Variants in EPC2 observed in about 807,000 individuals in gnomAD.
EPC2 encodes the protein enhancer of polycomb homolog 2.
Under a neutral mutation model 92.1 loss-of-function variants are expected in EPC2, and 14 were observed. The ratio of observed to expected loss-of-function variants is 0.15; its 90% confidence interval spans 0.10 to 0.24. The LOEUF (loss-of-function observed/expected upper bound fraction) is 0.24. Ranked by LOEUF, EPC2 falls within the 10% of genes least tolerant of loss-of-function variation. The pLI, the probability that EPC2 is intolerant of heterozygous loss-of-function variation, is 1.00. For synonymous variants in EPC2, 340 were observed against 334.7 expected (o/e 1.02, Z -0.17); for missense variants, 755 against 971.5 (o/e 0.78, Z 2.96).
intron 2 of EPC2, among the ~76,000 whole-genome samples, chr2:148,741,784 A>G (rs758346339): frequency 7.2e-5 from 11 of 152,198 alleles, no homozygotes; most frequent in Admixed American, 1.3e-4. Flanking sequence ...ATACATGTAC[A>G]TGCTTAAAAT....
intron 2 of EPC2, among the ~76,000 whole-genome samples, chr2:148,741,200 A>G (rs951442618): frequency 8.5e-5 from 13 of 152,312 alleles, no homozygotes; most frequent in Middle Eastern, 3.4e-3. Context: ...CTTAAATACA[A>G]TAACACAAAT....
In EPC2 at chr2:148,754,079, C is replaced by T. The variant is rs754224468; in HGVS notation, c.612C>T (p.Asn204=). 1.2e-6 allele frequency: 2 copies of T among 1,610,824 alleles called. No individual in the cohort carries two copies. The highest frequency in any genetic ancestry group is 1.7e-5 in the Admixed American group (1 of 59,500). The change falls in exon 4 of 14, where the codon AAC becomes AAT. Residue 204 remains asparagine, a synonymous_variant. Transcript: ENST00000258484. ...IKQEKRDGST[N]NDPYVAFRRR... ...AAGAGAAAAGAGATGGCTCTACCAA[C>T]AATGACCCTTATGTTGCCTTTCGGA... is the stretch of plus-strand genomic sequence containing the variant.
chr2:148,705,691 G>T (rs113236102), intron 2 of EPC2, among the ~76,000 whole-genome samples: 2,143 of 152,124 alleles, frequency 0.014, 51 homozygotes, highest in African/African-American at 0.049. Flanking sequence ...GCCTCTGCTG[G>T]TGATACCCAA....
At chr2:148,719,919 T>C (rs915524316) in intron 2 of EPC2, among the ~76,000 whole-genome samples, 1 of 152,156 alleles carries the variant, frequency 6.6e-6, no homozygotes, top group Non-Finnish European at 1.5e-5. Flanking sequence ...TTTCGGCCCA[T>C]AGAACATGGG....
In EPC2 at chr2:148,759,595, A is replaced by AT. The variant is rs745607433; in HGVS notation, c.667-2178dup. 2.7e-3 allele frequency among the ~76,000 whole-genome samples: 412 copies of AT among 150,850 alleles called. 3 individuals carry two copies. Among genetic ancestry groups the AT allele is most frequent in the East Asian group, 0.015 (76 of 5,164 alleles). ...TGTACTGTGGTTCTATGTGAATATC[A>AT]TTTTTTTTTGAAAATATATATTAAA... On this transcript the variant is annotated intron_variant, in intron 4 of 13. Coordinates refer to ENST00000258484, the MANE Select transcript of EPC2 (RefSeq NM_015630.4).
At chr2:148,721,767 T>C (rs1682378954) in intron 2 of EPC2, among the ~76,000 whole-genome samples, 1 of 149,264 alleles carries the variant, frequency 6.7e-6, no homozygotes, top group South Asian at 2.1e-4. Flanking sequence ...TATTGTCATA[T>C]CATATTACCA....
intron 2 of EPC2, chr2:148,691,668 G>A: frequency 6.7e-7 from 1 of 1,498,522 alleles, no homozygotes; most frequent in Non-Finnish European, 9.1e-7. Context: ...GTTTTTGCTT[G>A]TTTGTTTTGT....
chr2:148,687,646 T>C (rs1040358529), intron 1 of EPC2, among the ~76,000 whole-genome samples: 3 of 152,210 alleles, frequency 2.0e-5, no homozygotes, highest in Non-Finnish European at 4.4e-5. Flanking sequence ...AGATGATTAT[T>C]TGGGGAAAAG....
intron 2 of EPC2, among the ~76,000 whole-genome samples, chr2:148,702,983 T>C (rs988548016): frequency 3.9e-5 from 6 of 152,236 alleles, no homozygotes; most frequent in African/African-American, 1.4e-4. Context: ...GTCTTCCCAC[T>C]GTATCATACT....
At chr2:148,709,060 T>C (rs903972159) in intron 2 of EPC2, among the ~76,000 whole-genome samples, 1 of 152,218 alleles carries the variant, frequency 6.6e-6, no homozygotes, top group African/African-American at 2.4e-5. Flanking sequence ...AAATTGTCCC[T>C]GTTTGCAGAT....
intron 1 of EPC2, among the ~76,000 whole-genome samples, chr2:148,678,142 C>G (rs190723757): frequency 6.6e-6 from 1 of 152,124 alleles, no homozygotes; most frequent in Non-Finnish European, 1.5e-5. Flanking sequence ...AGGTTCTCCA[C>G]GGTCCCCACC....
intron 1 of EPC2, 175 bp downstream of exon 1, chr2:148,645,345 G>C (rs1024781243): frequency 1.9e-5 from 11 of 572,168 alleles, no homozygotes; most frequent in Non-Finnish European, 3.1e-5. Flanking sequence ...CGTAGCGCCC[G>C]CCCGCGGCCG....
At chr2:148,678,548 G>A (rs1051005864) in intron 1 of EPC2, among the ~76,000 whole-genome samples, 4 of 152,266 alleles carry the variant, frequency 2.6e-5, no homozygotes, top group Non-Finnish European at 2.9e-5. Context: ...CCTGCCACAC[G>A]GGAAGGCAGC....
chr2:148,757,135 C>T (rs987237193), intron 4 of EPC2, among the ~76,000 whole-genome samples: 3 of 151,702 alleles, frequency 2.0e-5, no homozygotes, highest in Non-Finnish European at 4.4e-5. Context: ...CCAGCACTTT[C>T]GGAGACTGAG....
chr2:148,658,621 A>AT (rs1294114234), intron 1 of EPC2, among the ~76,000 whole-genome samples: 89 of 150,992 alleles, frequency 5.9e-4, no homozygotes, highest in African/African-American at 2.1e-3. Context: ...ATATATATAT[A>AT]TATATATATA....
At chr2:148,668,307 T>C (rs943347371) in intron 1 of EPC2, among the ~76,000 whole-genome samples, 7 of 152,244 alleles carry the variant, frequency 4.6e-5, no homozygotes, top group Admixed American at 4.6e-4. Context: ...GGTCATGTAT[T>C]ATCCTTTTAA....
At chr2:148,769,524 A>G (rs1683476264) in intron 8 of EPC2, among the ~76,000 whole-genome samples, 2 of 152,208 alleles carry the variant, frequency 1.3e-5, no homozygotes, top group South Asian at 2.1e-4. Flanking sequence ...TCAGTGTGTC[A>G]TTACTAGAAT....
intron 4 of EPC2, among the ~76,000 whole-genome samples, chr2:148,761,580 T>C (rs1028141468): frequency 3.3e-5 from 5 of 152,222 alleles, no homozygotes; most frequent in Non-Finnish European, 7.4e-5. Flanking sequence ...ACATTTTTTT[T>C]CTGAGTGTCG....
chr2:148,705,546 G>C (rs778164803), intron 2 of EPC2, among the ~76,000 whole-genome samples: 1 of 152,200 alleles, frequency 6.6e-6, no homozygotes, highest in Non-Finnish European at 1.5e-5. Flanking sequence ...CCTGACCCCT[G>C]TGCAGCCTAA....
Sources: gnomAD v4.1 joint callset for allele counts (sites outside exome capture counted in the v4.1 genomes callset) on GRCh38, gnomAD v4.1.1 for gene constraint, MANE v1.5 for transcripts, NCBI Gene and HGNC (gene_info 2026-07-23, HGNC 2026-07-21) for gene names.